Variants in PDGFD observed in about 807,000 individuals in gnomAD.
The protein encoded by PDGFD is platelet derived growth factor D, also known as platelet-derived growth factor D.
Under a neutral mutation model 44.7 loss-of-function variants are expected in PDGFD, and 30 were observed. That is an observed-to-expected ratio of 0.67 (90% confidence interval 0.50 to 0.91). The LOEUF (loss-of-function observed/expected upper bound fraction) is 0.91, where lower values mean the gene tolerates loss of function less well. Among genes scored for constraint, PDGFD ranks in the 40% least tolerant of loss-of-function variants. The probability of loss-of-function intolerance (pLI) is 0.00; values close to 1 mark genes in which losing one functional copy is unlikely to be tolerated. For synonymous variants in PDGFD, 173 were observed against 168.4 expected (o/e 1.03, Z -0.21); for missense variants, 445 against 457.8 (o/e 0.97, Z 0.25).
chr11:103,952,907 C>T (rs955349398), intron 3 of PDGFD, among the ~76,000 whole-genome samples: 3 of 152,162 alleles, frequency 2.0e-5, no homozygotes, highest in African/African-American at 7.2e-5. Context: ...AGCTTTGGAA[C>T]ATAGATATGA....
intron 1 of PDGFD, among the ~76,000 whole-genome samples, chr11:104,004,802 GA>G (rs1262702833): frequency 1.3e-5 from 2 of 149,330 alleles, no homozygotes; most frequent in African/African-American, 4.9e-5. Context: ...ACTTTATACA[GA>G]TGATCTCTTG....
chr11:104,043,324 A>G (rs371476478), intron 1 of PDGFD, among the ~76,000 whole-genome samples: 140 of 152,300 alleles, frequency 9.2e-4, no homozygotes, highest in African/African-American at 3.3e-3. Context: ...ACTGGTGTTG[A>G]GAGCTGCAGC....
chr11:103,956,523 C>T (rs1398890472), intron 3 of PDGFD, among the ~76,000 whole-genome samples: 3 of 144,704 alleles, frequency 2.1e-5, no homozygotes, highest in South Asian at 2.3e-4. Context: ...AATAAACATA[C>T]GTGTGCATGT....
chr11:104,099,237 T>C (rs1345179035), intron 1 of PDGFD, among the ~76,000 whole-genome samples: 1 of 152,178 alleles, frequency 6.6e-6, no homozygotes, highest in Non-Finnish European at 1.5e-5. Context: ...AGTTATGCAG[T>C]GCTCTAAAAA....
intron 1 of PDGFD, among the ~76,000 whole-genome samples, chr11:104,072,489 A>T (rs1432710528): frequency 6.6e-6 from 1 of 151,788 alleles, no homozygotes; most frequent in Non-Finnish European, 1.5e-5. Flanking sequence ...TGCTTCTGTA[A>T]GGTTTTTCGG....
chr11:104,020,096 T>C (rs190569595), intron 1 of PDGFD, among the ~76,000 whole-genome samples: 17 of 152,136 alleles, frequency 1.1e-4, no homozygotes, highest in Non-Finnish European at 1.9e-4. Context: ...GCAGCAAACA[T>C]TTTAGGAGTT....
intron 2 of PDGFD, 83 bp from the exon 3 acceptor site, chr11:103,996,328 C>T: frequency 8.5e-7 from 1 of 1,176,890 alleles, no homozygotes; most frequent in Non-Finnish European, 1.2e-6. Context: ...TTAAAACTAG[C>T]ATATATGATT....
intron 1 of PDGFD, among the ~76,000 whole-genome samples, chr11:104,015,005 T>C (rs1463137799): frequency 6.6e-6 from 1 of 152,214 alleles, no homozygotes; most frequent in African/African-American, 2.4e-5. Context: ...CTAGGCAGAA[T>C]GGTCAAGTTC....
intron 1 of PDGFD, among the ~76,000 whole-genome samples, chr11:104,161,488 C>T (rs1862387644): frequency 6.6e-6 from 1 of 152,168 alleles, no homozygotes; most frequent in Non-Finnish European, 1.5e-5. Context: ...TTTTTCATAG[C>T]CCCATTATTC....
intron 1 of PDGFD, among the ~76,000 whole-genome samples, chr11:104,137,490 T>C (rs1174006536): frequency 1.3e-5 from 2 of 152,088 alleles, no homozygotes; most frequent in African/African-American, 2.4e-5. Flanking sequence ...TATCGTATTG[T>C]TTCTAGAATA....
At chr11:104,020,725 C>T (rs976446534) in intron 1 of PDGFD, among the ~76,000 whole-genome samples, 5 of 152,046 alleles carry the variant, frequency 3.3e-5, no homozygotes, top group Admixed American at 2.6e-4. Context: ...CCTAATATTA[C>T]ATTATTCCCT....
chr11:103,987,409 C>T (rs951201345), intron 3 of PDGFD, among the ~76,000 whole-genome samples: 1 of 152,080 alleles, frequency 6.6e-6, no homozygotes, highest in Non-Finnish European at 1.5e-5. Context: ...GCTGGCTATC[C>T]CACCTAATTG....
chr11:104,037,079 G>A, intron 1 of PDGFD: 1 of 1,614,220 alleles, frequency 6.2e-7, no homozygotes, highest in East Asian at 2.2e-5. Flanking sequence ...CGGGCTCCAG[G>A]GCGTGCCCCG....
intron 1 of PDGFD, among the ~76,000 whole-genome samples, chr11:104,035,561 CTTTTTTTTTTTTT>C (rs3050598): frequency 1.7e-5 from 2 of 115,286 alleles, no homozygotes; most frequent in Admixed American, 8.9e-5. Context: ...ACTTCTTTTT[CTTTTTTTTTTTTT>C]TTTTTTTTGG....
At chr11:103,991,476 T>C (rs771405049) in intron 3 of PDGFD, among the ~76,000 whole-genome samples, 3 of 152,214 alleles carry the variant, frequency 2.0e-5, no homozygotes, top group Non-Finnish European at 4.4e-5. Context: ...GCTAAGCAAC[T>C]GATATGACAA....
chr11:104,008,827 A>G (rs1333554727), intron 1 of PDGFD, among the ~76,000 whole-genome samples: 1 of 152,170 alleles, frequency 6.6e-6, no homozygotes, highest in East Asian at 1.9e-4. Flanking sequence ...GAGGCACTCA[A>G]AATATATTTT....
At position 104,148,484 on chromosome 11, in the gene PDGFD, T is replaced by C. The variant is rs117167686; in HGVS notation, c.124+15320A>G. Among the ~76,000 whole-genome samples the C allele has an allele frequency of 8.2e-3, 1,254 of 152,192 alleles. 7 individuals carry two copies. The highest frequency in any genetic ancestry group is 0.013 in the Non-Finnish European group (880 of 67,992). ...TTGTAAGTATAAAATTCATATAAGA[T>C]TTTGAAGATTTAGTATTATAAAAAT... On this transcript the variant is annotated intron_variant, in intron 1 of 6. Transcript: ENST00000393158.
chr11:104,071,261 A>C (rs1414291679), intron 1 of PDGFD, among the ~76,000 whole-genome samples: 1 of 151,796 alleles, frequency 6.6e-6, no homozygotes, highest in East Asian at 1.9e-4. Context: ...CTTTAACTTA[A>C]ATTTTTCTTT....
At chr11:104,147,309 T>G (rs950604531) in intron 1 of PDGFD, among the ~76,000 whole-genome samples, 1 of 152,178 alleles carries the variant, frequency 6.6e-6, no homozygotes, top group African/African-American at 2.4e-5. Context: ...AATGAAAGTT[T>G]TACAGGGCAT....
Sources: gnomAD v4.1 joint callset for allele counts (sites outside exome capture counted in the v4.1 genomes callset) on GRCh38, gnomAD v4.1.1 for gene constraint, MANE v1.5 for transcripts, NCBI Gene and HGNC (gene_info 2026-07-23, HGNC 2026-07-21) for gene names.